The following MYO1D variants were observed in gnomAD, a reference collection of about 807,000 sequenced individuals.
The protein encoded by MYO1D is unconventional myosin-Id.
A neutral mutation model predicts 122.0 loss-of-function variants in MYO1D; 83 were observed. That is an observed-to-expected ratio of 0.68 (90% confidence interval 0.57 to 0.82). The LOEUF is 0.82. Ranked by LOEUF, MYO1D falls within the 40% of genes least tolerant of loss-of-function variation. The pLI is 0.00. For synonymous variants in MYO1D, 464 were observed against 446.9 expected, an observed-to-expected ratio of 1.04 and a Z score of -0.48; for missense variants, 1,157 against 1,269.5, an observed-to-expected ratio of 0.91 and a Z score of 1.35.
chr17:32,755,596 T>C lies in MYO1D; in HGVS notation c.1363A>G (p.Ile455Val), dbSNP rs755099144. The C allele has an allele frequency of 5.6e-6, 9 of 1,613,740 alleles. No individual in the cohort carries two copies. The highest frequency in any genetic ancestry group is 1.3e-5 in the African/African-American group (1 of 74,914). Reference sequence around the variant, plus strand: ...ACATTCATGCAAGCATCATCAAGGATTGCAATGATCCCTTTGTGCTGTTGC... The same window carrying C: ...ACATTCATGCAAGCATCATCAAGGACTGCAATGATCCCTTTGTGCTGTTGC... ...VEQQHKGIIA[I>V]LDDACMNVGK... The change falls in exon 11 of 22, where the codon ATC becomes GTC. Residue 455 changes from isoleucine to valine, a missense_variant. Physicochemically the swap from Ile to Val is conservative, Grantham distance 29. Transcript: ENST00000318217.
intron 16 of MYO1D, among the ~76,000 whole-genome samples, chr17:32,689,534 T>C (rs2089066361): frequency 6.6e-6 from 1 of 152,196 alleles, no homozygotes; most frequent in South Asian, 2.1e-4. Flanking sequence ...ACCAAAAGTA[T>C]GACTCATCAC....
intron 16 of MYO1D, among the ~76,000 whole-genome samples, chr17:32,700,468 C>T (rs1689834): frequency 0.41 from 62,371 of 151,994 alleles, 13,069 homozygotes; most frequent in East Asian, 0.54. Flanking sequence ...GGGACCCCTG[C>T]TACAGATACA....
At chr17:32,601,217 T>C (rs779795589) in intron 21 of MYO1D, among the ~76,000 whole-genome samples, 1 of 152,174 alleles carries the variant, frequency 6.6e-6, no homozygotes, top group African/African-American at 2.4e-5. Context: ...GTCGCAGGAA[T>C]GAGCCATGAT....
At chr17:32,623,727 T>A (rs187050890) in intron 20 of MYO1D, among the ~76,000 whole-genome samples, 1 of 152,152 alleles carries the variant, frequency 6.6e-6, no homozygotes, top group Non-Finnish European at 1.5e-5. Flanking sequence ...TGGTGGCTTA[T>A]AAACAACAGA....
intron 21 of MYO1D, among the ~76,000 whole-genome samples, chr17:32,540,655 G>A (rs1444908757): frequency 6.6e-6 from 1 of 152,092 alleles, no homozygotes; most frequent in African/African-American, 2.4e-5. Context: ...GCCATGCATG[G>A]TGGCTCACTC....
chr17:32,642,827 G>C lies in MYO1D; in HGVS notation c.2596-3992C>G, dbSNP rs1400875952. On this transcript the variant is annotated intron_variant, in intron 19 of 21. Transcript: ENST00000318217. ...TATCAGCTTAAGGAGATTTTGGGCT[G>C]AGACCATGGGGTTTTCTAGATATAC... is the stretch of plus-strand genomic sequence containing the variant. 3.9e-5 allele frequency among the ~76,000 whole-genome samples: 6 copies of C among 152,312 alleles called. No homozygotes were observed. The East Asian group carries it at 9.7e-4, about 25-fold the overall frequency.
At chr17:32,875,136 G>A (rs1268036879) in intron 1 of MYO1D, among the ~76,000 whole-genome samples, 1 of 152,172 alleles carries the variant, frequency 6.6e-6, no homozygotes, top group Admixed American at 6.5e-5. Context: ...CTTGTATACA[G>A]TATGTACATA....
At chr17:32,872,945 C>T (rs1598172958) in intron 1 of MYO1D, among the ~76,000 whole-genome samples, 1 of 152,136 alleles carries the variant, frequency 6.6e-6, no homozygotes, top group East Asian at 1.9e-4. Flanking sequence ...ATCCACCTGC[C>T]TCGGCCTCCC....
chr17:32,540,923 CAAAAAAAAAAAA>C (rs33945323), intron 21 of MYO1D, among the ~76,000 whole-genome samples: 1 of 83,872 alleles, frequency 1.2e-5, no homozygotes, highest in Non-Finnish European at 2.5e-5. Flanking sequence ...GACTTCGTCT[CAAAAAAAAAAAA>C]AAAAAAAAAG....
At chr17:32,511,179 C>A (rs1414567019) in intron 21 of MYO1D, among the ~76,000 whole-genome samples, 1 of 151,912 alleles carries the variant, frequency 6.6e-6, no homozygotes, top group Non-Finnish European at 1.5e-5. Flanking sequence ...CACGTCTCTT[C>A]CTTCTTCTAC....
chr17:32,869,218 CAA>C (rs565095358), intron 1 of MYO1D, among the ~76,000 whole-genome samples: 4 of 138,712 alleles, frequency 2.9e-5, no homozygotes, highest in Non-Finnish European at 6.3e-5. Flanking sequence ...GGCCCTGTCT[CAA>C]AAAAAAAAAG....
chr17:32,724,476 T>C (rs773907982), intron 14 of MYO1D, among the ~76,000 whole-genome samples: 10 of 152,188 alleles, frequency 6.6e-5, no homozygotes, highest in Non-Finnish European at 1.5e-5. Context: ...ATGGGAGATC[T>C]AACAACACAG....
chr17:32,631,392 G>A (rs2088004270), intron 20 of MYO1D, among the ~76,000 whole-genome samples: 1 of 152,232 alleles, frequency 6.6e-6, no homozygotes. Context: ...TGTAATTCCA[G>A]CACTTTGGGA....
At chr17:32,765,120 T>G (rs1332277622) in intron 7 of MYO1D, 39 bp from the exon 8 acceptor site, 8 of 1,516,782 alleles carry the variant, frequency 5.3e-6, no homozygotes, top group South Asian at 1.1e-5. Context: ...TTATGAAACA[T>G]TATGTCAAGG....
intron 21 of MYO1D, among the ~76,000 whole-genome samples, chr17:32,533,196 C>T (rs982209278): frequency 6.6e-6 from 1 of 152,116 alleles, no homozygotes; most frequent in Non-Finnish European, 1.5e-5. Context: ...GCTGATAACT[C>T]CCAAATCTAT....
intron 20 of MYO1D, among the ~76,000 whole-genome samples, chr17:32,620,101 C>T (rs1390605335): frequency 1.3e-5 from 2 of 152,206 alleles, no homozygotes; most frequent in African/African-American, 2.4e-5. Context: ...ATTGACACCG[C>T]TCTTGTGGGG....
chr17:32,867,518 C>T (rs373512020), intron 1 of MYO1D, among the ~76,000 whole-genome samples: 15 of 151,994 alleles, frequency 9.9e-5, no homozygotes, highest in East Asian at 5.8e-4. Flanking sequence ...AGTAGTTGGC[C>T]GGGTACAGTG....
chr17:32,522,081 CAAAAAAAA>C (rs35096680), intron 21 of MYO1D, among the ~76,000 whole-genome samples: 5 of 63,228 alleles, frequency 7.9e-5, no homozygotes, highest in South Asian at 1.6e-3. Flanking sequence ...GACTCTGTCT[CAAAAAAAA>C]AAAAAAAAAA....
chr17:32,628,690 G>A (rs937304081), intron 20 of MYO1D, among the ~76,000 whole-genome samples: 2 of 152,036 alleles, frequency 1.3e-5, no homozygotes, highest in Admixed American at 6.6e-5. Context: ...AAAAATACAT[G>A]ATACAACTAC....
Sources: gnomAD v4.1 joint callset for allele counts (sites outside exome capture counted in the v4.1 genomes callset) on GRCh38, gnomAD v4.1.1 for gene constraint, MANE v1.5 for transcripts, NCBI Gene and HGNC (gene_info 2026-07-23, HGNC 2026-07-21) for gene names.